The following MAST3 variants were observed in gnomAD, a reference collection of about 807,000 sequenced individuals.
MAST3 encodes microtubule-associated serine/threonine-protein kinase 3.
In MAST3, 43 loss-of-function variants were observed where a neutral mutation model predicts 127.0. The observed-to-expected ratio is 0.34, with a 90% CI of 0.27 to 0.44. The LOEUF (loss-of-function observed/expected upper bound fraction) is 0.44. Among genes scored for constraint, MAST3 ranks in the 20% least tolerant of loss-of-function variants. The pLI is 1.00. For missense variants in MAST3, 1,390 were observed against 1,919.1 expected (o/e 0.72, Z 5.15); for synonymous variants, 785 against 809.2 (o/e 0.97, Z 0.51).
At chr19:18,122,638 G>T in intron 5 of MAST3, 35 bp from the exon 6 acceptor site, 1 of 1,584,242 alleles carries the variant, frequency 6.3e-7, no homozygotes, top group Non-Finnish European at 8.6e-7. Context: ...CAGGGGCCAG[G>T]CCTTCCTTCC....
At chr19:18,139,261 C>T in intron 20 of MAST3, 137 bp downstream of exon 20, 1 of 636,024 alleles carries the variant, frequency 1.6e-6, no homozygotes, top group South Asian at 1.7e-5. Context: ...GGCTGGTCTC[C>T]AACTCCTGAA....
At position 18,124,163 on chromosome 19, in the gene MAST3, G is replaced by A. The variant is rs747037869; in HGVS notation, c.843+15G>A. Reference sequence around the variant, plus strand: ...TTCTGCAGGATGTGCGTGGTTTTTCGCATGTTGAGGTTTTGCATGCAGTGG... The same window carrying A: ...TTCTGCAGGATGTGCGTGGTTTTTCACATGTTGAGGTTTTGCATGCAGTGG... On this transcript the variant is annotated intron_variant, in intron 9 of 27. Coordinates refer to ENST00000687212, the MANE Select transcript of MAST3 (RefSeq NM_001393504.1). The A allele has an allele frequency of 5.4e-5, 87 of 1,602,726 alleles. No individual in the cohort carries two copies. The highest frequency in any genetic ancestry group is 6.2e-5 in the Non-Finnish European group (73 of 1,175,120).
At position 18,149,680 on chromosome 19, in the gene MAST3, G is replaced by A. The variant is rs1187735981; in HGVS notation, c.3998G>A (p.Gly1333Asp). 1.2e-6 allele frequency: 2 copies of A among 1,612,918 alleles called. No homozygotes were observed. Among genetic ancestry groups the A allele is most frequent in the African/African-American group, 2.7e-5 (2 of 74,948 alleles). Residue 1333 changes from glycine to aspartate, a missense_variant, in exon 28 of 28, where the codon GGC becomes GAC. This residue lies in a region of MAST3 where 816 missense variants were observed against 934.1 expected (regional missense o/e 0.87). Transcript: ENST00000687212. This position sits in a 1 kb window ranked among gnomAD's most constrained non-coding sequence, Gnocchi z 5.9. ...TCAGTGCCACAGATCGCCGTGGAGG[G>A]CGAGGAAGCCGTGCCAGTAGCTCTC... Reference protein sequence around the residue: ...PTSVPQIAVEGEEAVPVALGP... With the variant: ...PTSVPQIAVEDEEAVPVALGP...
At chr19:18,127,383 A>G (rs12610206) in intron 11 of MAST3, among the ~76,000 whole-genome samples, 16,642 of 151,998 alleles carry the variant, frequency 0.11, 1,165 homozygotes, top group Admixed American at 0.15. Context: ...CCCTGTCTCT[A>G]CTAAAAATAC....
chr19:18,121,807 C>T, intron 4 of MAST3, 34 bp downstream of exon 4: 1 of 1,613,754 alleles, frequency 6.2e-7, no homozygotes, highest in Non-Finnish European at 8.5e-7. Context: ...GTGCTGTGTC[C>T]TGCCTCTGCC....
rs964770622 is a variant in MAST3, at chr19:18,136,157, C to T, written c.1972+316C>T. ...ATCCCACTGTCCCAGTTTTCCCAGC[C>T]ACCTGGTTAATCATTAAGGGACCGT... is the stretch of plus-strand genomic sequence containing the variant. On this transcript the variant is annotated intron_variant, in intron 18 of 27. Transcript: ENST00000687212. Among the ~76,000 whole-genome samples, 7 of 152,310 alleles carry T rather than the reference C, an allele frequency of 4.6e-5. No homozygotes were observed. The East Asian group carries it at 1.3e-3, about 29-fold the overall frequency.
intron 18 of MAST3, among the ~76,000 whole-genome samples, chr19:18,136,181 G>A (rs955278281): frequency 3.3e-5 from 5 of 152,258 alleles, no homozygotes; most frequent in Middle Eastern, 3.4e-3. Context: ...TTAAGGGACC[G>A]TTTGAGACTC....
At chr19:18,105,393 G>T (rs60504197) in intron 1 of MAST3, among the ~76,000 whole-genome samples, 159 of 151,334 alleles carry the variant, frequency 1.1e-3, no homozygotes, top group African/African-American at 3.7e-3. Context: ...ACAAAAAACT[G>T]GTTTTTTGGC....
intron 2 of MAST3, among the ~76,000 whole-genome samples, chr19:18,108,362 T>G (rs1034352220): frequency 8.6e-5 from 13 of 151,904 alleles, no homozygotes; most frequent in South Asian, 8.3e-4. Flanking sequence ...TTTTTTTTTT[T>G]TTGTTTTGCT....
At chr19:18,126,406 A>G (rs2040623927) in intron 11 of MAST3, among the ~76,000 whole-genome samples, 1 of 152,036 alleles carries the variant, frequency 6.6e-6, no homozygotes, top group African/African-American at 2.4e-5. Context: ...AAAGAGTGAA[A>G]CAGGCAGCAT....
chr19:18,149,329 G>C lies in MAST3; in HGVS notation c.3647G>C (p.Arg1216Pro), dbSNP rs939771536. ...LGPPRPKTGR[R>P]KSTSSIPPSP... ...CCACCCCGCCCCAAGACTGGCCGCC[G>C]CAAGTCCACCAGCAGCATCCCGCCC... The change falls in exon 28 of 28, where the codon CGC (arginine) becomes CCC (proline). Residue 1216 changes from arginine to proline, a missense_variant. Arg to Pro is a moderately radical substitution (Grantham distance 103). Transcript: ENST00000687212. This position sits in a 1 kb window ranked among gnomAD's most constrained non-coding sequence, Gnocchi z 5.9. 3.9e-6 allele frequency: 6 copies of C among 1,524,792 alleles called. No homozygotes were observed. The highest frequency in any genetic ancestry group is 5.3e-6 in the Non-Finnish European group (6 of 1,137,928). 94.5% of individuals were successfully genotyped at this position (1,524,792 alleles called of 1,614,324 possible).
chr19:18,146,164 C>T lies in MAST3; in HGVS notation c.3162+299C>T, dbSNP rs78299511. On this transcript the variant is annotated intron_variant, in intron 25 of 27. Transcript: ENST00000687212. ...GCTCAAGACAGGAGGAAGGGCCGGG[C>T]GCGGTGGCACACGCCTGTAATCCCA... Among the ~76,000 whole-genome samples the T allele has an allele frequency of 0.032, 4,863 of 152,214 alleles. 246 individuals carry two copies. The highest frequency in any genetic ancestry group is 0.11 in the African/African-American group (4,585 of 41,514).
At chr19:18,118,719 GGA>G (rs2039601748) in intron 3 of MAST3, among the ~76,000 whole-genome samples, 1 of 152,166 alleles carries the variant, frequency 6.6e-6, no homozygotes, top group Non-Finnish European at 1.5e-5. Flanking sequence ...CACCGCTCTT[GGA>G]GTCTCAGTTT....
chr19:18,110,742 G>GT lies in MAST3; in HGVS notation c.161+2dup. 1 of 985,400 alleles carries GT rather than the reference G, an allele frequency of 1.0e-6. No homozygotes were observed. Among genetic ancestry groups the GT allele is most frequent in the South Asian group, 4.7e-5 (1 of 21,284 alleles). The allele number at this position is 985,400 out of a possible 1,614,324, so 61.0% of individuals were successfully genotyped here. A position where few individuals can be genotyped will look rare whatever the true frequency, so the allele number is the denominator to read the frequency against. ...CCTCCTTGGGCCTGCACCCCTGGAG[G>GT]TAAGTGACAGCGCGTGTGGGCGGGG... On this transcript the variant is annotated splice_donor_variant, in intron 3 of 27. Coordinates refer to ENST00000687212, the MANE Select transcript of MAST3 (RefSeq NM_001393504.1). LOFTEE classifies it high-confidence loss of function. The surrounding 1 kb of genome is among the most constrained non-coding windows in gnomAD (Gnocchi z 4.3).
At chr19:18,124,198 TG>T in intron 9 of MAST3, 50 bp downstream of exon 9, 1 of 1,589,686 alleles carries the variant, frequency 6.3e-7, no homozygotes, top group Non-Finnish European at 8.6e-7. Context: ...GGACGTGGAG[TG>T]AGGGGGGTCC....
At chr19:18,135,476 AAAAG>A (rs1159332742) in intron 17 of MAST3, among the ~76,000 whole-genome samples, 2 of 152,086 alleles carry the variant, frequency 1.3e-5, no homozygotes, top group Non-Finnish European at 2.9e-5. Context: ...AAAAATAAAA[AAAAG>A]AAGTGACATG....
At position 18,149,323 on chromosome 19, in the gene MAST3, G is replaced by T; in HGVS notation, c.3641G>T (p.Gly1214Val). The T allele has an allele frequency of 6.6e-7, 1 of 1,526,660 alleles. No individual in the cohort carries two copies. The allele number at this position is 1,526,660 out of a possible 1,614,324, so 94.6% of individuals were successfully genotyped here. Residue 1214 changes from glycine (G) to valine (V), a missense_variant, in exon 28 of 28, where the codon GGC becomes GTC. By Grantham distance (109) the Gly-to-Val change is moderately radical (BLOSUM62 -3). Around this residue, in one of 5 missense-constraint regions of MAST3, gnomAD observed 816 missense variants for 934.1 expected, o/e 0.87. Coordinates refer to ENST00000687212, the MANE Select transcript of MAST3 (RefSeq NM_001393504.1). The surrounding 1 kb of genome is among the most constrained non-coding windows in gnomAD (Gnocchi z 5.9). The stretch of plus-strand genomic sequence containing the variant: ...CTTGGGCCACCCCGCCCCAAGACTG[G>T]CCGCCGCAAGTCCACCAGCAGCATC... ...AKLGPPRPKTGRRKSTSSIPP... is the reference protein window; with the variant it reads ...AKLGPPRPKTVRRKSTSSIPP...
chr19:18,128,905 GA>G lies in MAST3; in HGVS notation c.1180del (p.Ser394AlafsTer39), dbSNP rs774688688. The G allele has an allele frequency of 6.2e-7, 1 of 1,613,904 alleles. No individual in the cohort carries two copies. The highest frequency in any genetic ancestry group is 1.3e-5 in the African/African-American group (1 of 75,044). ...LVGQSRRKPC[E>X]SDFETIKLIS... ...CGGCCAGTCACGGAGGAAGCCATGCGAAAGCGACTTTGAGACCATCAAACTC... is the reference window on the plus strand; with the variant it reads ...CGGCCAGTCACGGAGGAAGCCATGCGAAGCGACTTTGAGACCATCAAACTC... On this transcript the variant is annotated frameshift_variant, in exon 13 of 28. Coordinates refer to ENST00000687212, the MANE Select transcript of MAST3 (RefSeq NM_001393504.1). LOFTEE classifies it high-confidence loss of function.
intron 20 of MAST3, 93 bp downstream of exon 20, chr19:18,139,217 G>T: frequency 1.0e-6 from 1 of 993,076 alleles, no homozygotes; most frequent in South Asian, 1.4e-5. Flanking sequence ...GCTTTGTTTT[G>T]TTCTGTAGAG....
Sources: gnomAD v4.1 joint callset for allele counts (sites outside exome capture counted in the v4.1 genomes callset) on GRCh38, gnomAD v4.1.1 for gene constraint, gnomAD v4.1.1 regional missense constraint, Gnocchi (gnomAD v3.1) non-coding constraint, MANE v1.5 for transcripts, NCBI Gene and HGNC (gene_info 2026-07-23, HGNC 2026-07-21) for gene names.